TMCO2: variants seen among roughly 807,000 people sequenced by gnomAD.
TMCO2 encodes transmembrane and coiled-coil domains 2.
Under a neutral mutation model 18.0 loss-of-function variants are expected in TMCO2, and 15 were observed. The ratio of observed to expected loss-of-function variants is 0.84; its 90% confidence interval spans 0.56 to 1.29. The LOEUF (loss-of-function observed/expected upper bound fraction) is 1.29. TMCO2 is among the 50% of genes most tolerant of loss of function. The probability of loss-of-function intolerance (pLI) is 0.00; values close to 1 mark genes in which losing one functional copy is unlikely to be tolerated. For missense variants in TMCO2, 182 were observed against 200.9 expected, an observed-to-expected ratio of 0.91 and a Z score of 0.57; for synonymous variants, 79 against 75.9, an observed-to-expected ratio of 1.04 and a Z score of -0.21.
chr1:40,251,188 A>T, intron 1 of TMCO2, 95 bp from the exon 2 acceptor site: 107 of 887,610 alleles, frequency 1.2e-4, no homozygotes, highest in Non-Finnish European at 1.8e-4. Context: ...TATTGGAATG[A>T]GGAATTATTG....
intron 1 of TMCO2, 101 bp downstream of exon 1, chr1:40,248,331 C>A (rs1643355098): frequency 1.0e-6 from 1 of 1,001,934 alleles, no homozygotes; most frequent in African/African-American, 1.6e-5. Flanking sequence ...TGCAGATGTG[C>A]AAAGGCGAAC....
In TMCO2 at chr1:40,248,204, T is replaced by A; in HGVS notation, c.211T>A (p.Trp71Arg). Residue 71 changes from tryptophan (W) to arginine (R), a missense_variant, in exon 1 of 2, where the codon TGG becomes AGG. Trp to Arg is a moderately radical substitution (Grantham distance 101). Coordinates refer to ENST00000372766, the MANE Select transcript of TMCO2 (RefSeq NM_001008740.4). ...ILLGIGIYAL[W>R]KRSIQSIQKT... ...ATTGGGAATAGGAATATATGCCTTA[T>A]GGAAACGAAGTATTCAGTCAATTCA... 6.2e-7 allele frequency: 1 copy of A among 1,613,758 alleles called. No individual in the cohort carries two copies. Among genetic ancestry groups the A allele is most frequent in the Non-Finnish European group, 8.5e-7 (1 of 1,179,680 alleles).
Position 40,248,036 on chromosome 1 carries a change from T to G in TMCO2, c.43T>G (p.Ser15Ala), listed in dbSNP as rs1289909819. 1 of 1,609,232 alleles carries G rather than the reference T, an allele frequency of 6.2e-7. No homozygotes were observed. Among genetic ancestry groups the G allele is most frequent in the East Asian group, 2.2e-5 (1 of 44,808 alleles). Residue 15 changes from serine (S) to alanine (A), a missense_variant, in exon 1 of 2, where the codon TCT becomes GCT. Coordinates refer to ENST00000372766, the MANE Select transcript of TMCO2 (RefSeq NM_001008740.4). ...TTCTAGCTGGGACAACCTCTTAGAG[T>G]CTCTCTCTCTCAGCACAGTATGGAA... is the stretch of plus-strand genomic sequence containing the variant. Reference protein sequence around the residue: ...SSSSWDNLLESLSLSTVWNWI... With the variant: ...SSSSWDNLLEALSLSTVWNWI...
chr1:40,251,196 T>C lies in TMCO2; in HGVS notation c.238-87T>C, dbSNP rs952885373. On this transcript the variant is annotated intron_variant, in intron 1 of 1. Coordinates refer to ENST00000372766, the MANE Select transcript of TMCO2 (RefSeq NM_001008740.4). ...GACTTGTTATTGGAATGAGGAATTA[T>C]TGTTACTATTAGGTTTTTGTTTTGT... 1.0e-5 allele frequency: 12 copies of C among 1,181,020 alleles called. No homozygotes were observed. The Admixed American group carries it at 1.5e-4, about 15-fold the overall frequency. 73.2% of individuals were successfully genotyped at this position (1,181,020 alleles called of 1,614,324 possible).
chr1:40,250,581 T>C (rs897666892), intron 1 of TMCO2, among the ~76,000 whole-genome samples: 1 of 152,156 alleles, frequency 6.6e-6, no homozygotes. Context: ...TACTTGGAAG[T>C]GTGAATTTCT....
At chr1:40,250,867 G>A (rs1307740074) in intron 1 of TMCO2, among the ~76,000 whole-genome samples, 1 of 152,230 alleles carries the variant, frequency 6.6e-6, no homozygotes, top group Non-Finnish European at 1.5e-5. Flanking sequence ...GCCGGGCATG[G>A]TGGCTTACGC....
chr1:40,249,856 G>A (rs549169660), intron 1 of TMCO2, among the ~76,000 whole-genome samples: 2 of 152,068 alleles, frequency 1.3e-5, no homozygotes, highest in East Asian at 3.9e-4. Context: ...TGTATTTTAA[G>A]TAGAGACAGG....
Position 40,248,112 on chromosome 1 carries a change from GT to G in TMCO2, c.122del (p.Leu41TrpfsTer4), listed in dbSNP as rs1643352945. 6.2e-7 allele frequency: 1 copy of G among 1,614,054 alleles called. No homozygotes were observed. Among genetic ancestry groups the G allele is most frequent in the African/African-American group, 1.3e-5 (1 of 74,922 alleles). On this transcript the variant is annotated frameshift_variant, in exon 1 of 2. Coordinates refer to ENST00000372766, the MANE Select transcript of TMCO2 (RefSeq NM_001008740.4). LOFTEE classifies it high-confidence loss of function. Reference sequence around the variant, plus strand: ...GAGACTAGTGCACCTCAGCAAACAAGTTTGGGACTATTAGATAATCTTGCTC... The same window carrying G: ...GAGACTAGTGCACCTCAGCAAACAAGTTGGGACTATTAGATAATCTTGCTC... ...LGETSAPQQTSLGLLDNLAPA... is the reference protein window; with the variant it reads ...LGETSAPQQTXLGLLDNLAPA...
At position 40,251,431 on chromosome 1, in the gene TMCO2, T is replaced by G. The variant is rs1327904273; in HGVS notation, c.386T>G (p.Ile129Ser). 1 of 1,613,508 alleles carries G rather than the reference T, an allele frequency of 6.2e-7. No individual in the cohort carries two copies. The highest frequency in any genetic ancestry group is 2.2e-5 in the East Asian group (1 of 44,878). ...CTGTCCTTGGGTCTGCAAGAGAAAATTTTGAAAAAACTTAAGACAGTGGAA... is the reference window on the plus strand; with the variant it reads ...CTGTCCTTGGGTCTGCAAGAGAAAAGTTTGAAAAAACTTAAGACAGTGGAA... Reference protein sequence around the residue: ...LFLSLGLQEKILKKLKTVENK... With the variant: ...LFLSLGLQEKSLKKLKTVENK... The change falls in exon 2 of 2, where the codon ATT (isoleucine) becomes AGT (serine). Residue 129 changes from isoleucine to serine, a missense_variant. Physicochemically the swap from Ile to Ser is moderately radical, Grantham distance 142. Transcript: ENST00000372766.
chr1:40,248,385 C>T (rs1170379480), intron 1 of TMCO2, among the ~76,000 whole-genome samples, 155 bp downstream of exon 1: 2 of 152,224 alleles, frequency 1.3e-5, no homozygotes, highest in Non-Finnish European at 2.9e-5. Context: ...CCTTGAAAAT[C>T]TCCACCAATT....
Position 40,251,647 on chromosome 1 carries a change from C to A in TMCO2, c.*53C>A. On this transcript the variant is annotated 3_prime_UTR_variant, in exon 2 of 2. Transcript: ENST00000372766. ...GAAAGCACTGTTTCCCTCATGTGTG[C>A]AGTGGTGTATCAATAAAGATAGAGA... 6.5e-7 allele frequency: 1 copy of A among 1,544,526 alleles called. No individual in the cohort carries two copies. The highest frequency in any genetic ancestry group is 8.8e-7 in the Non-Finnish European group (1 of 1,138,740).
intron 1 of TMCO2, among the ~76,000 whole-genome samples, chr1:40,249,261 G>A (rs1366020694): frequency 9.0e-6 from 1 of 111,284 alleles, no homozygotes; most frequent in Non-Finnish European, 1.8e-5. Flanking sequence ...AGGAATGTGT[G>A]TGTGTGTGTG....
At chr1:40,251,215 G>T in intron 1 of TMCO2, 68 bp from the exon 2 acceptor site, 1 of 1,351,510 alleles carries the variant, frequency 7.4e-7, no homozygotes, top group Non-Finnish European at 1.0e-6. Context: ...TTAGGTTTTT[G>T]TTTTGTTTTT....
chr1:40,248,946 A>G (rs1569592829), intron 1 of TMCO2, among the ~76,000 whole-genome samples: 1 of 152,324 alleles, frequency 6.6e-6, no homozygotes, highest in East Asian at 1.9e-4. Flanking sequence ...AGTTTACTTG[A>G]TAAATGCAGA....
chr1:40,249,566 CTG>C (rs1643364829), intron 1 of TMCO2, among the ~76,000 whole-genome samples: 1 of 149,232 alleles, frequency 6.7e-6, no homozygotes, highest in South Asian at 2.1e-4. Flanking sequence ...GCGACAAAGA[CTG>C]TGTCTCAAAA....
At chr1:40,249,255 A>ATG (rs3075101) in intron 1 of TMCO2, among the ~76,000 whole-genome samples, 28,578 of 139,698 alleles carry the variant, frequency 0.2, 3,051 homozygotes, top group Non-Finnish European at 0.25. Context: ...TTGAACAGGA[A>ATG]TGTGTGTGTG....
intron 1 of TMCO2, 99 bp downstream of exon 1, chr1:40,248,329 T>A: frequency 9.7e-7 from 1 of 1,029,740 alleles, no homozygotes; most frequent in Non-Finnish European, 1.4e-6. Flanking sequence ...CATGCAGATG[T>A]GCAAAGGCGA....
rs1643384194 is a variant in TMCO2, at chr1:40,251,488, T to G, written c.443T>G (p.Val148Gly). 6.2e-7 allele frequency: 1 copy of G among 1,613,686 alleles called. No homozygotes were observed. The highest frequency in any genetic ancestry group is 1.3e-5 in the African/African-American group (1 of 74,892). Residue 148 changes from valine (V) to glycine (G), a missense_variant, in exon 2 of 2, where the codon GTT becomes GGT. Transcript: ENST00000372766. ...ATGAAGAACCTAGAAGGGATAATCG[T>G]TGCTCAAAAACCTGCCACGAAGAGG... Reference protein sequence around the residue: ...NKMKNLEGIIVAQKPATKRDC... With the variant: ...NKMKNLEGIIGAQKPATKRDC...
Position 40,251,677 on chromosome 1 carries a change from T to C in TMCO2, c.*83T>C, listed in dbSNP as rs751066199. The C allele has an allele frequency of 1.0e-5, 15 of 1,436,888 alleles. No individual in the cohort carries two copies. Among genetic ancestry groups the C allele is most frequent in the Non-Finnish European group, 1.3e-5 (14 of 1,050,190 alleles). The allele number at this position is 1,436,888 out of a possible 1,614,324, so 89.0% of individuals were successfully genotyped here. A position where few individuals can be genotyped will look rare whatever the true frequency, so the allele number is the denominator to read the frequency against. ...GTGTATCAATAAAGATAGAGAACGC[T>C]ATTGAAATTACCGTGCAAAGACTAG... is the stretch of plus-strand genomic sequence containing the variant. On this transcript the variant is annotated 3_prime_UTR_variant, in exon 2 of 2. Transcript: ENST00000372766.
Sources: allele counts gnomAD v4.1 joint callset (sites outside exome capture counted in the v4.1 genomes callset), GRCh38; gene constraint gnomAD v4.1.1; transcripts MANE v1.5; gene names NCBI Gene and HGNC (gene_info 2026-07-23, HGNC 2026-07-21).